ABHD6: variants seen among roughly 807,000 people sequenced by gnomAD.
ABHD6 encodes monoacylglycerol lipase ABHD6.
Under a neutral mutation model 38.8 loss-of-function variants are expected in ABHD6, and 33 were observed. That is an observed-to-expected ratio of 0.85 (90% CI 0.64 to 1.14). The LOEUF (loss-of-function observed/expected upper bound fraction) is 1.14. ABHD6 is among the 50% of genes most tolerant of loss of function. The pLI is 0.00. For missense variants in ABHD6, 380 were observed against 422.6 expected, an observed-to-expected ratio of 0.90 and a Z score of 0.88; for synonymous variants, 147 against 161.6, an observed-to-expected ratio of 0.91 and a Z score of 0.69.
At chr3:58,246,425 C>A (rs2097426454) in intron 1 of ABHD6, among the ~76,000 whole-genome samples, 2 of 152,194 alleles carry the variant, frequency 1.3e-5, no homozygotes, top group Non-Finnish European at 2.9e-5. Context: ...TCCAGCTGAG[C>A]CTCGGACTGA....
Position 58,273,643 on chromosome 3 carries a change from A to G in ABHD6, c.524-1015A>G, listed in dbSNP as rs981527057. ...ACAGGAACAGAAAACCAAACACCGC[A>G]TGTTCTCACTCATAAGTGCGAGTTG... On this transcript the variant is annotated intron_variant, in intron 6 of 9. Transcript: ENST00000478253. The surrounding 1 kb of genome is among the most constrained non-coding windows in gnomAD (Gnocchi z 4.8). Among the ~76,000 whole-genome samples the G allele has an allele frequency of 7.2e-5, 11 of 152,190 alleles. No individual in the cohort carries two copies. Among genetic ancestry groups the G allele is most frequent in the Admixed American group, 2.0e-4 (3 of 15,282 alleles).
At chr3:58,284,576 G>A (rs929524716) in intron 7 of ABHD6, among the ~76,000 whole-genome samples, 7 of 151,560 alleles carry the variant, frequency 4.6e-5, no homozygotes, top group African/African-American at 1.2e-4. Flanking sequence ...TCAGCCTCCC[G>A]AGTAGATGGG....
At chr3:58,281,521 A>G (rs2097453212) in intron 7 of ABHD6, among the ~76,000 whole-genome samples, 1 of 152,150 alleles carries the variant, frequency 6.6e-6, no homozygotes. Context: ...CTGGCTAGGA[A>G]AGGGAAATCC....
chr3:58,272,284 C>T (rs866020616), intron 6 of ABHD6, among the ~76,000 whole-genome samples: 1 of 152,202 alleles, frequency 6.6e-6, no homozygotes, highest in African/African-American at 2.4e-5. Flanking sequence ...GCCAAAACCA[C>T]AGTAGGAACA....
At position 58,267,203 on chromosome 3, in the gene ABHD6, C is replaced by T. The variant is rs1285209782; in HGVS notation, c.134C>T (p.Thr45Ile). The T allele has an allele frequency of 1.9e-6, 3 of 1,614,094 alleles. No homozygotes were observed. Among genetic ancestry groups the T allele is most frequent in the Middle Eastern group, 1.7e-4 (1 of 6,054 alleles). ...IRIYYWYWRR[T>I]LGMQVRYVHH... Reference sequence around the variant, plus strand: ...ACCCCTTCCAGGTACTGGCGGAGGACATTGGGCATGCAAGTCCGCTATGTT... The same window carrying T: ...ACCCCTTCCAGGTACTGGCGGAGGATATTGGGCATGCAAGTCCGCTATGTT... Residue 45 changes from threonine to isoleucine, a missense_variant, in exon 4 of 10, where the codon ACA becomes ATA. By Grantham distance (89) the Thr-to-Ile change is moderately conservative. Transcript: ENST00000478253. The surrounding 1 kb of genome is among the most constrained non-coding windows in gnomAD (Gnocchi z 4.3).
intron 3 of ABHD6, among the ~76,000 whole-genome samples, chr3:58,261,640 G>C (rs1370327275): frequency 6.6e-6 from 1 of 152,168 alleles, no homozygotes; most frequent in East Asian, 1.9e-4. Flanking sequence ...GAGCCACCAT[G>C]CCCGGCCTGG....
chr3:58,291,856 G>T (rs1451234784), intron 9 of ABHD6, among the ~76,000 whole-genome samples: 1 of 152,174 alleles, frequency 6.6e-6, no homozygotes, highest in Non-Finnish European at 1.5e-5. Context: ...GCACTGAGGT[G>T]GGAGGATCAC....
chr3:58,258,738 T>C (rs1379799747), intron 3 of ABHD6: 1 of 153,452 alleles, frequency 6.5e-6, no homozygotes, highest in Non-Finnish European at 1.5e-5. Flanking sequence ...TGGCTCCTTT[T>C]TGCTTCACTT....
rs58771259 is a variant in ABHD6 at position 58,254,851 on chromosome 3, T to TAC, written c.-25-1679_-25-1678dup. On this transcript the variant is annotated intron_variant, in intron 2 of 9. Transcript: ENST00000478253. Reference sequence around the variant, plus strand: ...GTGTGTATATACATATATATGTGTATACACACACACACACACACACACACA... The same window carrying TAC: ...GTGTGTATATACATATATATGTGTATACACACACACACACACACACACACACA... 9.3e-3 allele frequency among the ~76,000 whole-genome samples: 1,372 copies of TAC among 146,910 alleles called. 8 individuals carry two copies. Among genetic ancestry groups the TAC allele is most frequent in the Non-Finnish European group, 0.014 (936 of 66,742 alleles).
In ABHD6 at chr3:58,269,291, T is replaced by C; in HGVS notation, c.277-30T>C. On this transcript the variant is annotated intron_variant, in intron 4 of 9. Transcript: ENST00000478253. The surrounding 1 kb of genome is among the most constrained non-coding windows in gnomAD (Gnocchi z 4.4). ...GGGCAGACATGTTTTGCACACCACA[T>C]ACTGACTCTCTGGGTCTGTGTGTCC... 1 of 1,558,990 alleles carries C rather than the reference T, an allele frequency of 6.4e-7. No individual in the cohort carries two copies. Among genetic ancestry groups the C allele is most frequent in the Non-Finnish European group, 8.8e-7 (1 of 1,130,746 alleles).
intron 1 of ABHD6, among the ~76,000 whole-genome samples, chr3:58,242,287 C>T (rs558603572): frequency 6.6e-6 from 1 of 152,266 alleles, no homozygotes; most frequent in African/African-American, 2.4e-5. Context: ...ATGCTGAGAG[C>T]CACTGCCAAC....
chr3:58,275,765 G>GTATTTCTC (rs1328337941), intron 7 of ABHD6, among the ~76,000 whole-genome samples: 1 of 152,134 alleles, frequency 6.6e-6, no homozygotes, highest in African/African-American at 2.4e-5. Flanking sequence ...TTCACGTTAG[G>GTATTTCTC]TATTTCTCCT....
chr3:58,241,575 G>T (rs1030573184), intron 1 of ABHD6, among the ~76,000 whole-genome samples: 1 of 152,230 alleles, frequency 6.6e-6, no homozygotes, highest in Non-Finnish European at 1.5e-5. Flanking sequence ...GTGGCTGTTT[G>T]GCTGTTGGCA....
At chr3:58,281,869 A>G (rs1470023638) in intron 7 of ABHD6, among the ~76,000 whole-genome samples, 1 of 152,196 alleles carries the variant, frequency 6.6e-6, no homozygotes, top group Admixed American at 6.5e-5. Flanking sequence ...TAATCCTAGC[A>G]CTTTGGGAGG....
intron 6 of ABHD6, among the ~76,000 whole-genome samples, chr3:58,271,689 A>G: frequency 6.6e-6 from 1 of 150,446 alleles, no homozygotes; most frequent in Non-Finnish European, 1.5e-5. Flanking sequence ...TTTCTTCTAT[A>G]AGTCTTTAGA....
At chr3:58,244,359 A>G (rs558742280) in intron 1 of ABHD6, among the ~76,000 whole-genome samples, 4 of 152,338 alleles carry the variant, frequency 2.6e-5, no homozygotes, top group African/African-American at 9.6e-5. Flanking sequence ...CAGTGAGGCC[A>G]TAAGATATTT....
intron 3 of ABHD6, among the ~76,000 whole-genome samples, chr3:58,264,428 CACACACACACACACACAT>C (rs1222401275): frequency 1.1e-4 from 15 of 131,000 alleles, no homozygotes; most frequent in South Asian, 9.1e-4. Context: ...CACACACACA[CACACACACACACACACAT>C]ATGCCAGGTG....
chr3:58,247,121 A>G (rs1575513103), intron 1 of ABHD6, among the ~76,000 whole-genome samples: 1 of 150,954 alleles, frequency 6.6e-6, no homozygotes, highest in East Asian at 2.0e-4. Flanking sequence ...CTCCTGGGTT[A>G]AAGGGATTCT....
chr3:58,247,889 C>T (rs886667309), intron 1 of ABHD6, among the ~76,000 whole-genome samples: 4 of 152,180 alleles, frequency 2.6e-5, no homozygotes, highest in African/African-American at 7.2e-5. Context: ...TGTAATTTTT[C>T]GTTAAATATG....
Sources: allele counts gnomAD v4.1 joint callset (sites outside exome capture counted in the v4.1 genomes callset), GRCh38; gene constraint gnomAD v4.1.1; non-coding constraint Gnocchi (gnomAD v3.1); transcripts MANE v1.5; gene names NCBI Gene and HGNC (gene_info 2026-07-23, HGNC 2026-07-21).